FAM81B: variants seen among roughly 807,000 people sequenced by gnomAD.
FAM81B encodes the protein family with sequence similarity 81 member B.
A neutral mutation model predicts 58.7 loss-of-function variants in FAM81B; 60 were observed. The observed-to-expected ratio is 1.02, with a 90% CI of 0.83 to 1.27. FAM81B has a LOEUF of 1.27. FAM81B is among the 50% of genes most tolerant of loss of function. The pLI is 0.00. For synonymous variants in FAM81B, 189 were observed against 179.6 expected (o/e 1.05, Z -0.42); for missense variants, 491 against 522.0 (o/e 0.94, Z 0.58).
chr5:95,445,239 ATTACT>A lies in FAM81B; in HGVS notation c.894-1319_894-1315del, dbSNP rs1411801043. ...TTTGTCTGAAAACATCAGAGCAATT[ATTACT>A]TTAACTGTCTGTACCATACATTGTA... On this transcript the variant is annotated intron_variant, in intron 7 of 9. Coordinates refer to ENST00000283357, the MANE Select transcript of FAM81B (RefSeq NM_152548.3). 7.9e-5 allele frequency among the ~76,000 whole-genome samples: 12 copies of A among 152,346 alleles called. No individual in the cohort carries two copies. The East Asian group carries it at 2.3e-3, about 29-fold the overall frequency.
At chr5:95,413,156 C>T (rs575254816) in intron 3 of FAM81B, among the ~76,000 whole-genome samples, 1 of 152,240 alleles carries the variant, frequency 6.6e-6, no homozygotes, top group South Asian at 2.1e-4. Flanking sequence ...TGACAGGGGA[C>T]ATTTGTTATA....
At chr5:95,449,047 T>C (rs1465470152) in intron 9 of FAM81B, among the ~76,000 whole-genome samples, 2 of 152,212 alleles carry the variant, frequency 1.3e-5, no homozygotes, top group Non-Finnish European at 2.9e-5. Context: ...ATGGAATAGG[T>C]GCTGTGGTGC....
chr5:95,414,644 T>C (rs1431751898), intron 4 of FAM81B, among the ~76,000 whole-genome samples: 1 of 152,130 alleles, frequency 6.6e-6, no homozygotes, highest in Non-Finnish European at 1.5e-5. Flanking sequence ...CTCCCAGCTG[T>C]TCCTAGGACA....
At chr5:95,440,066 A>G in intron 7 of FAM81B, 1 of 475,500 alleles carries the variant, frequency 2.1e-6, no homozygotes, top group Admixed American at 2.8e-5. Flanking sequence ...GTTTGGCTTG[A>G]AGACCAGAAA....
chr5:95,394,246 A>G, intron 2 of FAM81B, among the ~76,000 whole-genome samples: 1 of 152,250 alleles, frequency 6.6e-6, no homozygotes, highest in Non-Finnish European at 1.5e-5. Context: ...AGACTTAAAA[A>G]TTAATAAAAT....
intron 3 of FAM81B, among the ~76,000 whole-genome samples, chr5:95,408,970 G>T (rs906575555): frequency 2.6e-5 from 4 of 152,226 alleles, no homozygotes; most frequent in African/African-American, 9.6e-5. Context: ...CACTTGAAAT[G>T]TGGCTAGTCC....
chr5:95,448,755 G>C (rs1295645285), intron 9 of FAM81B: 1 of 467,498 alleles, frequency 2.1e-6, no homozygotes, highest in African/African-American at 2.1e-5. Flanking sequence ...GGAATTGTCA[G>C]ACTTGGAAAA....
Position 95,428,651 on chromosome 5 carries a change from G to A in FAM81B, c.705G>A (p.Arg235=). Residue 235 remains arginine (R), a synonymous_variant, in exon 6 of 10, where the codon AGG becomes AGA. Transcript: ENST00000283357. ...TTTCTGGAGACATTCACTTATTCAG[G>A]CAAGAGCACCGGCAAATTGAGAAAG... ...VKLSGDIHLF[R]QEHRQIEKAI... is the part of the protein sequence containing the mutation. 1 of 1,613,996 alleles carries A rather than the reference G, an allele frequency of 6.2e-7. No homozygotes were observed. The highest frequency in any genetic ancestry group is 1.1e-5 in the South Asian group (1 of 91,088).
chr5:95,401,913 A>G (rs112341955), intron 3 of FAM81B, among the ~76,000 whole-genome samples: 5,633 of 152,324 alleles, frequency 0.037, 196 homozygotes, highest in African/African-American at 0.094. Context: ...AAATCTGTTC[A>G]GATTCAGTTG....
chr5:95,425,297 T>C (rs965383622), intron 5 of FAM81B, among the ~76,000 whole-genome samples: 2 of 151,996 alleles, frequency 1.3e-5, no homozygotes, highest in Admixed American at 1.3e-4. Context: ...GAAACCAAGA[T>C]ATCCTGGTTG....
intron 5 of FAM81B, among the ~76,000 whole-genome samples, chr5:95,422,107 G>C (rs1762701410): frequency 6.6e-6 from 1 of 151,720 alleles, no homozygotes; most frequent in South Asian, 2.1e-4. Flanking sequence ...GTTTCTGGTT[G>C]GCCCACAACA....
intron 7 of FAM81B, among the ~76,000 whole-genome samples, chr5:95,442,392 T>C (rs186484116): frequency 5.1e-4 from 77 of 152,316 alleles, no homozygotes; most frequent in Admixed American, 3.0e-3. Flanking sequence ...GTGCTGAAGA[T>C]ACTCAATGCA....
At chr5:95,410,601 A>G (rs1488773175) in intron 3 of FAM81B, among the ~76,000 whole-genome samples, 1 of 152,194 alleles carries the variant, frequency 6.6e-6, no homozygotes, top group African/African-American at 2.4e-5. Flanking sequence ...AGCATATATA[A>G]TAGTCATTTT....
intron 1 of FAM81B, among the ~76,000 whole-genome samples, chr5:95,391,802 G>C (rs1351091732): frequency 6.6e-6 from 1 of 152,148 alleles, no homozygotes; most frequent in Non-Finnish European, 1.5e-5. Flanking sequence ...ACTACAATGA[G>C]ATACCATCTC....
chr5:95,394,595 G>A (rs1761914202), intron 2 of FAM81B, among the ~76,000 whole-genome samples: 1 of 152,154 alleles, frequency 6.6e-6, no homozygotes, highest in African/African-American at 2.4e-5. Context: ...TTTCCATAAC[G>A]TGGCCACCTG....
At chr5:95,442,697 T>C (rs1197299176) in intron 7 of FAM81B, among the ~76,000 whole-genome samples, 1 of 152,200 alleles carries the variant, frequency 6.6e-6, no homozygotes, top group Non-Finnish European at 1.5e-5. Flanking sequence ...AGTCTTTCTA[T>C]CAGAGTGGAG....
intron 2 of FAM81B, among the ~76,000 whole-genome samples, chr5:95,395,194 C>T (rs191899860): frequency 5.1e-4 from 78 of 152,124 alleles, no homozygotes; most frequent in Middle Eastern, 6.8e-3. Flanking sequence ...AATCCCAGCA[C>T]TTCGGGAGGC....
At chr5:95,400,826 G>A (rs925345399) in intron 3 of FAM81B, among the ~76,000 whole-genome samples, 1 of 151,978 alleles carries the variant, frequency 6.6e-6, no homozygotes, top group Non-Finnish European at 1.5e-5. Context: ...ACCTCAGAGA[G>A]GTTGAAGTTA....
chr5:95,395,409 C>CTCCA (rs1258241805), intron 2 of FAM81B, among the ~76,000 whole-genome samples: 1 of 143,862 alleles, frequency 7.0e-6, no homozygotes, highest in Non-Finnish European at 1.5e-5. Context: ...CGCCACTGCA[C>CTCCA]TCCAGCCTGG....
Sources: gnomAD v4.1 joint callset for allele counts (sites outside exome capture counted in the v4.1 genomes callset) on GRCh38, gnomAD v4.1.1 for gene constraint, MANE v1.5 for transcripts, NCBI Gene and HGNC (gene_info 2026-07-23, HGNC 2026-07-21) for gene names.